MYO6: variants seen among roughly 807,000 people sequenced by gnomAD.
MYO6 encodes the protein myosin VI, also known as unconventional myosin-VI.
In MYO6, 74 loss-of-function variants were observed where a neutral mutation model predicts 178.7. The observed-to-expected ratio is 0.41, with a 90% CI of 0.34 to 0.50. The LOEUF (loss-of-function observed/expected upper bound fraction) is 0.50, where lower values mean the gene tolerates loss of function less well. Ranked by LOEUF, MYO6 falls within the 20% of genes least tolerant of loss-of-function variation. The probability of loss-of-function intolerance (pLI) is 0.09; values close to 1 mark genes in which losing one functional copy is unlikely to be tolerated. For missense variants in MYO6, 1,330 were observed against 1,547.4 expected, an observed-to-expected ratio of 0.86 and a Z score of 2.36; for synonymous variants, 477 against 504.6, an observed-to-expected ratio of 0.95 and a Z score of 0.73.
intron 1 of MYO6, among the ~76,000 whole-genome samples, chr6:75,794,915 A>G (rs1190359633): frequency 1.3e-5 from 2 of 152,214 alleles, no homozygotes; most frequent in East Asian, 1.9e-4. Flanking sequence ...TAAGCCTTCA[A>G]TGCAAAGAAA....
chr6:75,889,533 G>A (rs1778734686), intron 25 of MYO6, among the ~76,000 whole-genome samples: 1 of 152,070 alleles, frequency 6.6e-6, no homozygotes, highest in East Asian at 1.9e-4. Flanking sequence ...TCAGCCTCCC[G>A]AGTAGCTGGG....
intron 1 of MYO6, among the ~76,000 whole-genome samples, chr6:75,776,726 T>C (rs1369783901): frequency 6.6e-6 from 1 of 151,894 alleles, no homozygotes; most frequent in Non-Finnish European, 1.5e-5. Context: ...TTTCCCAGGC[T>C]GGTCTCAAAT....
chr6:75,896,203 G>T (rs1779289520), intron 29 of MYO6, among the ~76,000 whole-genome samples: 1 of 152,088 alleles, frequency 6.6e-6, no homozygotes, highest in Non-Finnish European at 1.5e-5. Context: ...TCAGGCTCCA[G>T]TCCCAATAAC....
intron 10 of MYO6, among the ~76,000 whole-genome samples, chr6:75,846,420 A>G (rs548369025): frequency 1.3e-5 from 2 of 152,174 alleles, no homozygotes; most frequent in East Asian, 3.9e-4. Context: ...TATTTTTAGC[A>G]TATTTATATA....
intron 1 of MYO6, among the ~76,000 whole-genome samples, chr6:75,801,684 T>C (rs1769470309): frequency 6.6e-6 from 1 of 152,230 alleles, no homozygotes; most frequent in Non-Finnish European, 1.5e-5. Flanking sequence ...CTCATGCCTG[T>C]AATCCCAGCA....
chr6:75,842,891 C>T (rs1774372150), intron 9 of MYO6, among the ~76,000 whole-genome samples: 1 of 152,110 alleles, frequency 6.6e-6, no homozygotes, highest in Non-Finnish European at 1.5e-5. Context: ...GGTACAATGG[C>T]AGGCATCCTG....
At position 75,873,452 on chromosome 6, in the gene MYO6, T is replaced by G. The variant is rs1411068459; in HGVS notation, c.2077+152T>G. On this transcript the variant is annotated intron_variant, in intron 20 of 34. Transcript: ENST00000369977. ...ATATTTTCTTTAATTATAAGAAAAG[T>G]ATAGAGCCACATGTGGTGGTGTACA... 1.8e-5 allele frequency: 14 copies of G among 764,278 alleles called. No homozygotes were observed. The African/African-American group carries it at 1.9e-4, about 10-fold the overall frequency. The allele number at this position is 764,278 out of a possible 1,614,324, so 47.3% of individuals were successfully genotyped here. A position where few individuals can be genotyped will look rare whatever the true frequency, so the allele number is the denominator to read the frequency against.
intron 18 of MYO6, 102 bp from the exon 19 acceptor site, chr6:75,870,545 A>C: frequency 1.1e-6 from 1 of 885,704 alleles, no homozygotes; most frequent in Non-Finnish European, 1.9e-6. Flanking sequence ...TTTGGATGTT[A>C]TTGCATGTTA....
In MYO6 at chr6:75,841,252, A is replaced by G; in HGVS notation, c.690A>G (p.Leu230=). The part of the protein sequence containing the change: ...VVGGFVSHYL[L]EKSRICVQGK... ...GAGGATTTGTTTCACATTATCTCCT[A>G]GAGAAATCTAGGATCTGTGTTCAAG... is the stretch of plus-strand genomic sequence containing the variant. The change falls in exon 9 of 35, where the codon CTA becomes CTG. Residue 230 remains leucine (L), a synonymous_variant. Coordinates refer to ENST00000369977, the MANE Select transcript of MYO6 (RefSeq NM_004999.4). 1 of 1,614,028 alleles carries G rather than the reference A, an allele frequency of 6.2e-7. No individual in the cohort carries two copies. The highest frequency in any genetic ancestry group is 2.2e-5 in the East Asian group (1 of 44,874).
intron 7 of MYO6, among the ~76,000 whole-genome samples, chr6:75,839,632 G>A (rs1774012932): frequency 6.6e-6 from 1 of 152,108 alleles, no homozygotes; most frequent in South Asian, 2.1e-4. Context: ...ATTTAGATGA[G>A]TATAAGAGTA....
intron 2 of MYO6, among the ~76,000 whole-genome samples, chr6:75,819,805 G>T (rs2150175224): frequency 6.6e-6 from 1 of 152,308 alleles, no homozygotes; most frequent in East Asian, 1.9e-4. Context: ...TGTAATCCTA[G>T]AACTTTGGGA....
chr6:75,753,455 G>GTATATATATATA (rs58108910), intron 1 of MYO6, among the ~76,000 whole-genome samples: 1 of 140,040 alleles, frequency 7.1e-6, no homozygotes, highest in African/African-American at 2.7e-5. Context: ...GTGTGTGTGT[G>GTATATATATATA]TATATATATA....
chr6:75,887,312 A>C (rs774806768), intron 25 of MYO6, among the ~76,000 whole-genome samples: 1 of 152,228 alleles, frequency 6.6e-6, no homozygotes, highest in Non-Finnish European at 1.5e-5. Context: ...CCTGTGTAAC[A>C]AACCTGCACA....
chr6:75,781,004 GGTT>G (rs1396360890), intron 1 of MYO6, among the ~76,000 whole-genome samples: 1 of 151,756 alleles, frequency 6.6e-6, no homozygotes, highest in Admixed American at 6.6e-5. Flanking sequence ...GTAGACACAG[GGTT>G]TCACCATGTT....
intron 5 of MYO6, 70 bp from the exon 6 acceptor site, chr6:75,832,772 A>T: frequency 1.1e-6 from 1 of 935,010 alleles, no homozygotes; most frequent in South Asian, 1.4e-5. Context: ...AGTGGTCCTA[A>T]AGTGAACTTT....
chr6:75,787,718 CTCTCTCTCTCTCTATATATA>C (rs1360933042), intron 1 of MYO6, among the ~76,000 whole-genome samples: 22 of 41,826 alleles, frequency 5.3e-4, no homozygotes, highest in African/African-American at 1.1e-3. Flanking sequence ...CTCTCTCTCT[CTCTCTCTCTCTCTATATATA>C]TATATATATA....
At chr6:75,846,768 G>GA (rs1247694093) in intron 10 of MYO6, among the ~76,000 whole-genome samples, 2 of 151,808 alleles carry the variant, frequency 1.3e-5, no homozygotes, top group Non-Finnish European at 2.9e-5. Context: ...ATTTGCCATG[G>GA]AAAAAAATGG....
Position 75,907,656 on chromosome 6 carries a change from T to A in MYO6, c.3228T>A (p.Asp1076Glu). The A allele has an allele frequency of 1.9e-6, 3 of 1,613,762 alleles. No homozygotes were observed. Among genetic ancestry groups the A allele is most frequent in the Non-Finnish European group, 2.5e-6 (3 of 1,179,902 alleles). The stretch of plus-strand genomic sequence containing the variant: ...CAGCTGCTGGTACTAAGAAATATGA[T>A]CTTAGTAAATGGAAATATGCAGAAC... ...TKAAAGTKKY[D>E]LSKWKYAELR... Residue 1076 changes from aspartate to glutamate, a missense_variant, in exon 31 of 35, where the codon GAT becomes GAA. By Grantham distance (45) the Asp-to-Glu change is conservative (BLOSUM62 2). Coordinates refer to ENST00000369977, the MANE Select transcript of MYO6 (RefSeq NM_004999.4).
intron 13 of MYO6, among the ~76,000 whole-genome samples, chr6:75,857,927 A>G (rs1775861241): frequency 6.6e-6 from 1 of 152,170 alleles, no homozygotes; most frequent in African/African-American, 2.4e-5. Context: ...ACTGTGAAGG[A>G]GTAGTGTCTT....
Sources: gnomAD v4.1 joint callset for allele counts (sites outside exome capture counted in the v4.1 genomes callset) on GRCh38, gnomAD v4.1.1 for gene constraint, MANE v1.5 for transcripts, NCBI Gene and HGNC (gene_info 2026-07-23, HGNC 2026-07-21) for gene names.